Variants in CDKN2B-AS1 observed in about 807,000 individuals in gnomAD.
The protein encoded by CDKN2B-AS1 is CDKN2B and CDKN2A antisense cis and trans regulatory RNA 1.
rs1285848864 is a variant in CDKN2B-AS1, at chr9:22,056,212, G to GTGTATA, written n.303-39_303-38insGTATAT. 8.1e-3 allele frequency: 1,004 copies of GTGTATA among 123,632 alleles called. 14 individuals are homozygous for GTGTATA. The highest frequency in any genetic ancestry group is 0.013 in the Non-Finnish European group (807 of 59,918). The allele number at this position is 123,632 out of a possible 1,614,324, so 7.7% of individuals were successfully genotyped here. ...CCAGCTAATTTATATATGTGTGTGT[G>GTGTATA]TATATATATATATATATATATATTT... On this transcript the variant is annotated intron_variant and non_coding_transcript_variant, in intron 3 of 4. Coordinates refer to ENST00000650946, the Ensembl canonical transcript of CDKN2B-AS1.
At chr9:22,020,063 C>T (rs192936017) in intron 1 of CDKN2B-AS1, among the ~76,000 whole-genome samples, 60 of 152,274 alleles carry the variant, frequency 3.9e-4, no homozygotes, top group African/African-American at 1.3e-3. Flanking sequence ...GTGTTGTTCC[C>T]CTCTGTGTGT....
chr9:22,063,793 G>A (rs1311419588), intron 4 of CDKN2B-AS1, among the ~76,000 whole-genome samples: 1 of 152,226 alleles, frequency 6.6e-6, no homozygotes, highest in African/African-American at 2.4e-5. Context: ...CAAAGAGTTT[G>A]GAGAGCAGAC....
intron 1 of CDKN2B-AS1, among the ~76,000 whole-genome samples, chr9:22,038,179 A>G (rs1563938912): frequency 6.6e-6 from 1 of 151,938 alleles, no homozygotes; most frequent in African/African-American, 2.4e-5. Context: ...CTACACTACA[A>G]CAGACATAAA....
intron 4 of CDKN2B-AS1, among the ~76,000 whole-genome samples, chr9:22,124,358 A>T (rs953950907): frequency 1.3e-5 from 2 of 152,222 alleles, no homozygotes; most frequent in Non-Finnish European, 2.9e-5. Flanking sequence ...CTTCTAAACT[A>T]ACAAACAGCC....
At chr9:22,016,783 A>G (rs1821782932) in intron 1 of CDKN2B-AS1, among the ~76,000 whole-genome samples, 1 of 152,234 alleles carries the variant, frequency 6.6e-6, no homozygotes. Context: ...CTTACACCTT[A>G]TACAAAAATT....
chr9:22,052,451 G>A (rs1275463025), intron 3 of CDKN2B-AS1, among the ~76,000 whole-genome samples: 1 of 152,168 alleles, frequency 6.6e-6, no homozygotes, highest in Non-Finnish European at 1.5e-5. Flanking sequence ...TCAAGAAGAA[G>A]GAATTTAGCT....
intron 1 of CDKN2B-AS1, among the ~76,000 whole-genome samples, chr9:22,010,160 G>T (rs1450214659): frequency 6.6e-6 from 1 of 152,078 alleles, no homozygotes; most frequent in African/African-American, 2.4e-5. Flanking sequence ...ATAAGAGAGG[G>T]GTGTGGTGCT....
At position 22,054,406 on chromosome 9, in the gene CDKN2B-AS1, A is replaced by G. The variant is rs543668085; in HGVS notation, n.303-1846A>G. Reference sequence around the variant, plus strand: ...AGACTATAAATAATCACCAGGCAATACTTGAAAGGCCACAAACAATTTCTT... The same window carrying G: ...AGACTATAAATAATCACCAGGCAATGCTTGAAAGGCCACAAACAATTTCTT... On this transcript the variant is annotated intron_variant and non_coding_transcript_variant, in intron 3 of 4. Transcript: ENST00000650946. Among the ~76,000 whole-genome samples the G allele has an allele frequency of 3.3e-5, 5 of 152,350 alleles. No homozygotes were observed. In the South Asian group the frequency reaches 1.0e-3, roughly 32 times the overall value.
intron 4 of CDKN2B-AS1, among the ~76,000 whole-genome samples, chr9:22,123,385 G>C (rs1826136619): frequency 1.3e-5 from 2 of 152,088 alleles, no homozygotes; most frequent in African/African-American, 4.8e-5. Context: ...TTCCATTACT[G>C]TGTTGAATAA....
At chr9:22,008,664 G>A in intron 1 of CDKN2B-AS1, 2 of 1,605,908 alleles carry the variant, frequency 1.2e-6, no homozygotes, top group Non-Finnish European at 1.7e-6. Flanking sequence ...TTTTACGCGT[G>A]GAATGCACAC....
At chr9:22,041,438 C>T (rs1015599922) in intron 1 of CDKN2B-AS1, among the ~76,000 whole-genome samples, 2 of 151,966 alleles carry the variant, frequency 1.3e-5, no homozygotes, top group African/African-American at 4.8e-5. Flanking sequence ...AGACTTTGCC[C>T]CACAGTACCC....
intron 1 of CDKN2B-AS1, among the ~76,000 whole-genome samples, chr9:22,021,113 A>G (rs909172275): frequency 6.6e-6 from 1 of 152,102 alleles, no homozygotes; most frequent in Non-Finnish European, 1.5e-5. Flanking sequence ...TTATCCCAGC[A>G]CCATTTATTG....
Position 22,097,581 on chromosome 9 carries a change from G to A in CDKN2B-AS1, n.439-29522G>A, listed in dbSNP as rs573313851. 1.5e-4 allele frequency among the ~76,000 whole-genome samples: 23 copies of A among 152,170 alleles called. No individual in the cohort carries two copies. The South Asian group carries it at 2.5e-3, about 16-fold the overall frequency. ...CTTATACCACTAGCTTTTGCTTTCCGTACAGACATAGCTTTAAAAAGTGCA... is the reference window on the plus strand; with the variant it reads ...CTTATACCACTAGCTTTTGCTTTCCATACAGACATAGCTTTAAAAAGTGCA... On this transcript the variant is annotated intron_variant and non_coding_transcript_variant, in intron 4 of 4. Transcript: ENST00000650946.
intron 4 of CDKN2B-AS1, among the ~76,000 whole-genome samples, chr9:22,111,822 G>T (rs921066087): frequency 6.6e-6 from 1 of 152,284 alleles, no homozygotes; most frequent in African/African-American, 2.4e-5. Flanking sequence ...CTATAATCAA[G>T]ATAGCATTAA....
chr9:22,117,220 A>G (rs1825973182), intron 4 of CDKN2B-AS1, among the ~76,000 whole-genome samples: 1 of 152,220 alleles, frequency 6.6e-6, no homozygotes, highest in South Asian at 2.1e-4. Flanking sequence ...TTCTCAGTTT[A>G]TTATATGCTA....
chr9:22,073,112 T>C (rs1254581265), intron 4 of CDKN2B-AS1, among the ~76,000 whole-genome samples: 1 of 152,152 alleles, frequency 6.6e-6, no homozygotes, highest in Non-Finnish European at 1.5e-5. Flanking sequence ...TCTTATTAAT[T>C]TCTATGAGAA....
At chr9:22,008,748 G>T (rs1440269017) in intron 1 of CDKN2B-AS1, 1 of 1,610,374 alleles carries the variant, frequency 6.2e-7, no homozygotes. Context: ...CCGAGGCCGC[G>T]CCCCGCGTTC....
intron 1 of CDKN2B-AS1, among the ~76,000 whole-genome samples, chr9:22,041,977 TG>T (rs1481941435): frequency 6.6e-6 from 1 of 152,020 alleles, no homozygotes; most frequent in Non-Finnish European, 1.5e-5. Flanking sequence ...CAGATTTGGA[TG>T]GTGAGAGCAG....
chr9:22,101,055 T>C (rs1223055451), intron 4 of CDKN2B-AS1, among the ~76,000 whole-genome samples: 1 of 152,230 alleles, frequency 6.6e-6, no homozygotes, highest in Non-Finnish European at 1.5e-5. Context: ...TTAATTTGAC[T>C]GAGGATAATG....
Sources: allele counts gnomAD v4.1 joint callset (sites outside exome capture counted in the v4.1 genomes callset), GRCh38; gene constraint gnomAD v4.1.1; transcripts MANE v1.5; gene names NCBI Gene and HGNC (gene_info 2026-07-23, HGNC 2026-07-21).